MCTP2: variants seen among roughly 807,000 people sequenced by gnomAD.
MCTP2 encodes the protein multiple C2 and transmembrane domain-containing protein 2.
Under a neutral mutation model 111.6 loss-of-function variants are expected in MCTP2, and 132 were observed. That is an observed-to-expected ratio of 1.18 (90% CI 1.03 to 1.37). MCTP2 has a LOEUF of 1.37. MCTP2 is among the 40% of genes most tolerant of loss of function. The pLI, the probability that MCTP2 is intolerant of heterozygous loss-of-function variation, is 0.00. For missense variants in MCTP2, 1,183 were observed against 1,067.9 expected, an observed-to-expected ratio of 1.11 and a Z score of -1.50; for synonymous variants, 395 against 387.7, an observed-to-expected ratio of 1.02 and a Z score of -0.22.
At chr15:94,271,794 A>G (rs1327397659) in intron 1 of MCTP2, among the ~76,000 whole-genome samples, 2 of 152,208 alleles carry the variant, frequency 1.3e-5, no homozygotes, top group African/African-American at 4.8e-5. Flanking sequence ...TTTGTGAAAC[A>G]TATTCTTTTT....
At chr15:94,440,739 A>T (rs2083733485) in intron 18 of MCTP2, among the ~76,000 whole-genome samples, 1 of 152,148 alleles carries the variant, frequency 6.6e-6, no homozygotes, top group African/African-American at 2.4e-5. Context: ...AAGGCTCAGG[A>T]GATTCCCAGA....
intron 20 of MCTP2, among the ~76,000 whole-genome samples, chr15:94,467,031 TATTA>T (rs1312935473): frequency 1.3e-5 from 2 of 152,196 alleles, no homozygotes; most frequent in Non-Finnish European, 2.9e-5. Flanking sequence ...AGCTAACACT[TATTA>T]AATAGTGACT....
chr15:94,384,401 T>C (rs2080336060), intron 13 of MCTP2, among the ~76,000 whole-genome samples: 1 of 152,186 alleles, frequency 6.6e-6, no homozygotes, highest in Admixed American at 6.5e-5. Flanking sequence ...TATTTCTAGG[T>C]TAATTCATTC....
At position 94,443,981 on chromosome 15, in the gene MCTP2, C is replaced by CAAAAAAAAAAA. The variant is rs58768404; in HGVS notation, c.2250+1036_2250+1046dup. ...TAAGGTTTATAATGGGATATTTTACCAAAAAAAAAAAAAAAAAAAAAAAAA... is the reference window on the plus strand; with the variant it reads ...TAAGGTTTATAATGGGATATTTTACCAAAAAAAAAAAAAAAAAAAAAAAAAAAAAAAAAAAA... On this transcript the variant is annotated intron_variant, in intron 19 of 22. Coordinates refer to ENST00000357742, the MANE Select transcript of MCTP2 (RefSeq NM_001385001.1). Among the ~76,000 whole-genome samples the CAAAAAAAAAAA allele has an allele frequency of 1.2e-4, 8 of 69,404 alleles. 1 individual carries two copies. The highest frequency in any genetic ancestry group is 4.3e-4 in the African/African-American group (7 of 16,158). The allele number at this position is 69,404 out of a possible 152,430, so 45.5% of individuals were successfully genotyped here.
At chr15:94,353,312 C>T (rs151207364) in intron 8 of MCTP2, among the ~76,000 whole-genome samples, 73 of 152,266 alleles carry the variant, frequency 4.8e-4, no homozygotes, top group Middle Eastern at 3.4e-3. Flanking sequence ...CCAGCCAAGT[C>T]GCGCCTGCTA....
rs569670944 is a variant in MCTP2 at position 94,378,875 on chromosome 15, C to G, written c.1583-5147C>G. ...TTTTCTTTTAAAGGCCCCCTCAGCTCCTAGCACAGTGCTTTGCACATTCTG... is the reference window on the plus strand; with the variant it reads ...TTTTCTTTTAAAGGCCCCCTCAGCTGCTAGCACAGTGCTTTGCACATTCTG... On this transcript the variant is annotated intron_variant, in intron 12 of 22. Transcript: ENST00000357742. 1.1e-4 allele frequency among the ~76,000 whole-genome samples: 16 copies of G among 152,256 alleles called. No homozygotes were observed. The East Asian group carries it at 2.3e-3, about 22-fold the overall frequency.
At chr15:94,445,836 CTTCT>C (rs2084086621) in intron 19 of MCTP2, among the ~76,000 whole-genome samples, 2 of 152,194 alleles carry the variant, frequency 1.3e-5, no homozygotes, top group Non-Finnish European at 2.9e-5. Context: ...AGGAGAGAAA[CTTCT>C]TTCTACCCAA....
chr15:94,261,918 A>C (rs2073209042), intron 1 of MCTP2, among the ~76,000 whole-genome samples: 1 of 152,154 alleles, frequency 6.6e-6, no homozygotes, highest in African/African-American at 2.4e-5. Flanking sequence ...AGGTTGTATT[A>C]CTTTATTGGT....
intron 20 of MCTP2, among the ~76,000 whole-genome samples, chr15:94,460,654 G>T (rs1483517634): frequency 6.6e-6 from 1 of 152,232 alleles, no homozygotes; most frequent in African/African-American, 2.4e-5. Flanking sequence ...TGTCTGAGGA[G>T]AGAAGAGGGC....
chr15:94,239,331 C>T (rs550164550), intron 1 of MCTP2, among the ~76,000 whole-genome samples: 25 of 152,330 alleles, frequency 1.6e-4, no homozygotes, highest in African/African-American at 5.8e-4. Context: ...AGCTGTTCCA[C>T]CTCCAGTTGC....
intron 19 of MCTP2, among the ~76,000 whole-genome samples, chr15:94,457,491 A>G (rs1200816346): frequency 6.6e-6 from 1 of 152,204 alleles, no homozygotes; most frequent in African/African-American, 2.4e-5. Context: ...AGGAGATCGC[A>G]ATCAATTGCT....
At chr15:94,469,094 A>G (rs8035046) in intron 20 of MCTP2, among the ~76,000 whole-genome samples, 3,382 of 152,310 alleles carry the variant, frequency 0.022, 118 homozygotes, top group African/African-American at 0.076. Flanking sequence ...CAATGTTAGC[A>G]CAATGCCTGG....
Position 94,298,371 on chromosome 15 carries a change from C to T in MCTP2, c.106C>T (p.Pro36Ser). Residue 36 changes from proline to serine, a missense_variant, in exon 2 of 23, where the codon CCA (proline) becomes TCA (serine). By Grantham distance (74) the Pro-to-Ser change is moderately conservative. Transcript: ENST00000357742. ...GGTGAAAAAGAACCCAAGTAAGCCC[C>T]CAGATCTACGGGCAAGGCATCACTT... ...KKVKKNPSKP[P>S]DLRARHHLDR... The T allele has an allele frequency of 6.2e-7, 1 of 1,614,116 alleles. No individual in the cohort carries two copies. The highest frequency in any genetic ancestry group is 8.5e-7 in the Non-Finnish European group (1 of 1,180,014).
At chr15:94,290,260 A>G (rs919482027) in intron 1 of MCTP2, among the ~76,000 whole-genome samples, 1 of 152,088 alleles carries the variant, frequency 6.6e-6, no homozygotes, top group African/African-American at 2.4e-5. Flanking sequence ...TAAGCCACTA[A>G]TTTTTTCATT....
At chr15:94,457,787 T>G (rs1276848398) in intron 19 of MCTP2, among the ~76,000 whole-genome samples, 1 of 152,158 alleles carries the variant, frequency 6.6e-6, no homozygotes, top group Non-Finnish European at 1.5e-5. Flanking sequence ...TCAGAAAACC[T>G]GTGGAGACAG....
At chr15:94,397,111 T>A (rs1487498368) in intron 14 of MCTP2, among the ~76,000 whole-genome samples, 1 of 152,216 alleles carries the variant, frequency 6.6e-6, no homozygotes, top group Non-Finnish European at 1.5e-5. Context: ...TTAAACTTTT[T>A]ACAGTTTTTA....
chr15:94,318,492 C>G (rs35909931), intron 4 of MCTP2, among the ~76,000 whole-genome samples: 2,338 of 152,146 alleles, frequency 0.015, 26 homozygotes, highest in Non-Finnish European at 0.023. Flanking sequence ...CCAGGCTGGT[C>G]TCAAACTCCT....
chr15:94,294,361 C>A (rs1000930423), intron 1 of MCTP2, among the ~76,000 whole-genome samples: 3 of 152,090 alleles, frequency 2.0e-5, no homozygotes, highest in African/African-American at 7.2e-5. Context: ...AGAATGATTT[C>A]AAAAATAAAG....
chr15:94,276,536 T>C (rs1236990589), intron 1 of MCTP2, among the ~76,000 whole-genome samples: 1 of 151,822 alleles, frequency 6.6e-6, no homozygotes, highest in Non-Finnish European at 1.5e-5. Flanking sequence ...AACACATGAC[T>C]CAACCTAAAC....
Sources: gnomAD v4.1 joint callset for allele counts (sites outside exome capture counted in the v4.1 genomes callset) on GRCh38, gnomAD v4.1.1 for gene constraint, MANE v1.5 for transcripts, NCBI Gene and HGNC (gene_info 2026-07-23, HGNC 2026-07-21) for gene names.